DNER: variants seen among roughly 807,000 people sequenced by gnomAD.
DNER encodes the protein delta and Notch-like epidermal growth factor-related receptor.
DNER carries 33 observed loss-of-function variants against 78.2 expected under a neutral mutation model. That is an observed-to-expected ratio of 0.42 (90% CI 0.32 to 0.56). The LOEUF is 0.56. DNER is among the 20% of genes least tolerant of loss of function. The probability of loss-of-function intolerance (pLI) is 0.11; values close to 1 mark genes in which losing one functional copy is unlikely to be tolerated. For synonymous variants in DNER, 417 were observed against 384.8 expected (o/e 1.08, Z -0.98); for missense variants, 918 against 975.3 (o/e 0.94, Z 0.78).
intron 8 of DNER, among the ~76,000 whole-genome samples, chr2:229,439,171 C>T (rs748624259): frequency 6.6e-6 from 1 of 152,200 alleles, no homozygotes; most frequent in Non-Finnish European, 1.5e-5. Context: ...GGCAAGCAGT[C>T]GCTTAACCCT....
intron 9 of DNER, among the ~76,000 whole-genome samples, chr2:229,412,017 AT>A (rs534734780): frequency 2.6e-5 from 4 of 151,968 alleles, no homozygotes; most frequent in African/African-American, 4.8e-5. Flanking sequence ...TAAAAATCGA[AT>A]TTTTTTTCTA....
At chr2:229,434,867 C>T (rs1169888982) in intron 8 of DNER, among the ~76,000 whole-genome samples, 1 of 151,490 alleles carries the variant, frequency 6.6e-6, no homozygotes, top group African/African-American at 2.4e-5. Context: ...TGTTTTTCAA[C>T]TTTCTTTCTC....
intron 9 of DNER, among the ~76,000 whole-genome samples, chr2:229,414,523 T>G (rs2106347472): frequency 6.6e-6 from 1 of 152,298 alleles, no homozygotes; most frequent in African/African-American, 2.4e-5. Flanking sequence ...TCCCAAAGTG[T>G]TGGGATTACA....
intron 1 of DNER, among the ~76,000 whole-genome samples, chr2:229,655,294 C>A (rs1698894457): frequency 1.3e-5 from 2 of 151,552 alleles, no homozygotes; most frequent in African/African-American, 4.9e-5. Context: ...ATAAAGAAAG[C>A]AGAAGGAATG....
intron 8 of DNER, among the ~76,000 whole-genome samples, chr2:229,441,145 G>A (rs1425281565): frequency 6.6e-6 from 1 of 151,938 alleles, no homozygotes; most frequent in East Asian, 1.9e-4. Context: ...GCAGCAAACT[G>A]GATCCACTCT....
intron 7 of DNER, among the ~76,000 whole-genome samples, chr2:229,458,193 T>C (rs574243831): frequency 7.8e-6 from 1 of 128,542 alleles, no homozygotes; most frequent in African/African-American, 3.1e-5. Flanking sequence ...AGATACATTG[T>C]GAAAAAGAAA....
At chr2:229,577,494 G>T (rs1372840604) in intron 4 of DNER, among the ~76,000 whole-genome samples, 1 of 152,136 alleles carries the variant, frequency 6.6e-6, no homozygotes, top group Non-Finnish European at 1.5e-5. Context: ...AATTAGCTGG[G>T]CGTGGTGGTG....
At chr2:229,450,267 C>T (rs1694429555) in intron 7 of DNER, among the ~76,000 whole-genome samples, 1 of 152,000 alleles carries the variant, frequency 6.6e-6, no homozygotes, top group Admixed American at 6.6e-5. Context: ...TGGGTGAGAA[C>T]TTGATGGAAA....
chr2:229,631,123 A>G (rs540417395), intron 1 of DNER, among the ~76,000 whole-genome samples: 42 of 152,284 alleles, frequency 2.8e-4, no homozygotes, highest in Non-Finnish European at 2.8e-4. Flanking sequence ...TTTTTGGTAG[A>G]ATAATTTATT....
intron 6 of DNER, among the ~76,000 whole-genome samples, chr2:229,496,320 T>C (rs1323814803): frequency 6.6e-6 from 1 of 152,192 alleles, no homozygotes; most frequent in East Asian, 1.9e-4. Context: ...TTTAATATTG[T>C]GAAAACATGT....
At chr2:229,417,377 C>T (rs890242337) in intron 9 of DNER, among the ~76,000 whole-genome samples, 4 of 152,180 alleles carry the variant, frequency 2.6e-5, no homozygotes, top group African/African-American at 7.2e-5. Flanking sequence ...AACCCGGCCC[C>T]GTAGTTATGG....
intron 2 of DNER, 113 bp from the exon 3 acceptor site, chr2:229,588,601 G>T: frequency 1.2e-6 from 1 of 834,092 alleles, no homozygotes; most frequent in Non-Finnish European, 1.9e-6. Context: ...TGATGCGGGG[G>T]TAGGGCTAGA....
intron 1 of DNER, among the ~76,000 whole-genome samples, chr2:229,631,482 A>T (rs1176448966): frequency 6.6e-6 from 1 of 152,208 alleles, no homozygotes; most frequent in Non-Finnish European, 1.5e-5. Context: ...GACACTTCAC[A>T]TTGCTGATGG....
At chr2:229,381,809 C>A (rs576699858) in intron 11 of DNER, among the ~76,000 whole-genome samples, 1 of 152,292 alleles carries the variant, frequency 6.6e-6, no homozygotes, top group Non-Finnish European at 1.5e-5. Context: ...TCCCATCTCC[C>A]TGGGACAGAG....
chr2:229,553,578 G>A (rs1238276605), intron 4 of DNER, among the ~76,000 whole-genome samples: 2 of 152,286 alleles, frequency 1.3e-5, no homozygotes, highest in East Asian at 3.9e-4. Flanking sequence ...TAACTGTGCC[G>A]AGTGAGAAAC....
chr2:229,407,566 C>T (rs1693415801), intron 9 of DNER, among the ~76,000 whole-genome samples: 2 of 152,166 alleles, frequency 1.3e-5, no homozygotes, highest in Admixed American at 1.3e-4. Flanking sequence ...ATAGGTCCCA[C>T]CATAGTCTTT....
intron 1 of DNER, among the ~76,000 whole-genome samples, chr2:229,697,001 A>G (rs2154217540): frequency 6.6e-6 from 1 of 152,308 alleles, no homozygotes; most frequent in Admixed American, 6.5e-5. Context: ...GAAGTATATA[A>G]CCAAAAGAAT....
intron 6 of DNER, 43 bp from the exon 7 acceptor site, chr2:229,477,296 AGACCCACCAT>A: frequency 6.7e-7 from 1 of 1,485,532 alleles, no homozygotes; most frequent in South Asian, 1.2e-5. Context: ...AAGCTCTTCC[AGACCCACCAT>A]GAGCCACTCT....
chr2:229,362,710 T>C (rs1692243446), intron 12 of DNER, among the ~76,000 whole-genome samples: 1 of 152,280 alleles, frequency 6.6e-6, no homozygotes, highest in South Asian at 2.1e-4. Context: ...CACGGGAAGC[T>C]TTCAGTAAGT....
Sources: allele counts gnomAD v4.1 joint callset (sites outside exome capture counted in the v4.1 genomes callset), GRCh38; gene constraint gnomAD v4.1.1; transcripts MANE v1.5; gene names NCBI Gene and HGNC (gene_info 2026-07-23, HGNC 2026-07-21).